ITLN1: variants seen among roughly 807,000 people sequenced by gnomAD.
The protein encoded by ITLN1 is intelectin-1.
ITLN1 carries 29 observed loss-of-function variants against 36.2 expected under a neutral mutation model. The observed-to-expected ratio is 0.80, with a 90% CI of 0.60 to 1.09. The LOEUF is 1.09. Ranked by LOEUF, ITLN1 falls within the 50% of genes least tolerant of loss-of-function variation. The pLI is 0.00. For missense variants in ITLN1, 358 were observed against 405.2 expected, an observed-to-expected ratio of 0.88 and a Z score of 1.00; for synonymous variants, 143 against 146.5, an observed-to-expected ratio of 0.98 and a Z score of 0.17.
At chr1:160,881,450 C>T (rs1367278786) in intron 4 of ITLN1, 138 bp from the exon 5 acceptor site, 3 of 946,692 alleles carry the variant, frequency 3.2e-6, no homozygotes, top group Non-Finnish European at 4.5e-6. Flanking sequence ...AGACACCCCA[C>T]TCCCAGCCGA....
At chr1:160,877,577 C>G (rs1436504768) in intron 7 of ITLN1, among the ~76,000 whole-genome samples, 1 of 152,112 alleles carries the variant, frequency 6.6e-6, no homozygotes, top group African/African-American at 2.4e-5. Flanking sequence ...CCCTCATTGA[C>G]CCAGAACCTA....
At chr1:160,880,477 G>C in intron 6 of ITLN1, 111 bp downstream of exon 6, 1 of 1,112,464 alleles carries the variant, frequency 9.0e-7, no homozygotes, top group Non-Finnish European at 1.3e-6. Flanking sequence ...GGGCAATATA[G>C]GGAACATTAC....
At chr1:160,879,178 A>C in intron 7 of ITLN1, 133 bp downstream of exon 7, 1 of 718,704 alleles carries the variant, frequency 1.4e-6, no homozygotes. Flanking sequence ...AGCAATGAGC[A>C]AGAGAAGGTC....
chr1:160,876,629 G>A lies in ITLN1; in HGVS notation c.*35C>T. ...TCTCCATCCTTGGGATCTCATGGTTGGGAGGAGAGGTCTGGGTTCCCTCCC... is the reference window on the plus strand; with the variant it reads ...TCTCCATCCTTGGGATCTCATGGTTAGGAGGAGAGGTCTGGGTTCCCTCCC... On this transcript the variant is annotated 3_prime_UTR_variant, in exon 8 of 8. Coordinates refer to ENST00000326245, the MANE Select transcript of ITLN1 (RefSeq NM_017625.3). 1 of 1,609,136 alleles carries A rather than the reference G, an allele frequency of 6.2e-7. No homozygotes were observed. Among genetic ancestry groups the A allele is most frequent in the Non-Finnish European group, 8.5e-7 (1 of 1,176,602 alleles).
chr1:160,883,741 C>A (rs1670716221), intron 2 of ITLN1, among the ~76,000 whole-genome samples: 1 of 152,210 alleles, frequency 6.6e-6, no homozygotes, highest in East Asian at 1.9e-4. Flanking sequence ...GACCTGACAG[C>A]CAGCACAGGC....
intron 4 of ITLN1, among the ~76,000 whole-genome samples, chr1:160,881,715 T>A (rs1327924508): frequency 2.0e-5 from 3 of 147,942 alleles, no homozygotes; most frequent in Admixed American, 1.4e-4. Flanking sequence ...AGGCAGAGGA[T>A]CACTTGAACC....
chr1:160,878,388 T>TC (rs1670625666), intron 7 of ITLN1, among the ~76,000 whole-genome samples: 1 of 149,998 alleles, frequency 6.7e-6, no homozygotes, highest in African/African-American at 2.4e-5. Flanking sequence ...TTTCTTTCTT[T>TC]TTTTTTTTTT....
rs770014438 is a variant in ITLN1, at chr1:160,883,484, G to A, written c.101C>T (p.Ser34Phe). 1 of 1,613,636 alleles carries A rather than the reference G, an allele frequency of 6.2e-7. No individual in the cohort carries two copies. The highest frequency in any genetic ancestry group is 8.5e-7 in the Non-Finnish European group (1 of 1,179,592). Residue 34 changes from serine to phenylalanine, a missense_variant, in exon 3 of 8, where the codon TCT becomes TTT. Physicochemically the swap from Ser to Phe is radical, Grantham distance 155 (BLOSUM62 -2). Coordinates refer to ENST00000326245, the MANE Select transcript of ITLN1 (RefSeq NM_017625.3). ...TYFKEWTCSS[S>F]PSLPRSCKEI... ...CTTGCAGCTTCTGGGCAGAGATGGA[G>A]ACGAAGAACAGGTCCATTCCTTGAA...
At chr1:160,884,771 C>A in intron 2 of ITLN1, 49 bp downstream of exon 2, 1 of 1,326,676 alleles carries the variant, frequency 7.5e-7, no homozygotes, top group Non-Finnish European at 1.1e-6. Context: ...ACCAGGATCC[C>A]GGAAGTCATC....
intron 7 of ITLN1, 111 bp downstream of exon 7, chr1:160,879,200 C>G: frequency 1.2e-6 from 1 of 814,246 alleles, no homozygotes; most frequent in Non-Finnish European, 2.1e-6. Context: ...CACTCCCACA[C>G]ACGTACACAC....
intron 4 of ITLN1, among the ~76,000 whole-genome samples, 172 bp downstream of exon 4, chr1:160,881,785 G>C (rs1340943264): frequency 7.1e-6 from 1 of 141,260 alleles, no homozygotes; most frequent in Admixed American, 7.2e-5. Flanking sequence ...CTGGGCAACA[G>C]AGTAAGACTC....
At chr1:160,876,915 A>G in intron 7 of ITLN1, 99 bp from the exon 8 acceptor site, 2 of 1,223,304 alleles carry the variant, frequency 1.6e-6, no homozygotes, top group South Asian at 1.4e-5. Flanking sequence ...GGTCCTCATC[A>G]GACTCTCCAT....
Position 160,876,653 on chromosome 1 carries a change from C to T in ITLN1, c.*11G>A. On this transcript the variant is annotated 3_prime_UTR_variant, in exon 8 of 8. Coordinates refer to ENST00000326245, the MANE Select transcript of ITLN1 (RefSeq NM_017625.3). ...TGGGAGGAGAGGTCTGGGTTCCCTCCCACAAAACTCTCAACGATAGAATAG... is the reference window on the plus strand; with the variant it reads ...TGGGAGGAGAGGTCTGGGTTCCCTCTCACAAAACTCTCAACGATAGAATAG... The T allele has an allele frequency of 6.2e-7, 1 of 1,613,812 alleles. No homozygotes were observed. Among genetic ancestry groups the T allele is most frequent in the Non-Finnish European group, 8.5e-7 (1 of 1,179,800 alleles).
rs8144 is a variant in ITLN1 at position 160,876,668 on chromosome 1, C to G, written c.938G>C (p.Arg313Pro). The G allele has an allele frequency of 3.9e-3, 6,291 of 1,614,102 alleles. 19 individuals are homozygous for G. Among genetic ancestry groups the G allele is most frequent in the Non-Finnish European group, 4.6e-3 (5,452 of 1,179,958 alleles). Residue 313 changes from arginine (R) to proline (P), a missense_variant, in exon 8 of 8, where the codon CGT becomes CCT. By Grantham distance (103) the Arg-to-Pro change is moderately radical (BLOSUM62 -2). Transcript: ENST00000326245. ...GGGTTCCCTCCCACAAAACTCTCAA[C>G]GATAGAATAGAAGCACAGCTGCCTC... ...ITEAAVLLFY[R>P]
chr1:160,884,175 C>T (rs1431069475), intron 2 of ITLN1, among the ~76,000 whole-genome samples: 2 of 151,416 alleles, frequency 1.3e-5, no homozygotes, highest in Admixed American at 6.6e-5. Flanking sequence ...CAGCGTAGTC[C>T]AGCTGTAGAA....
Position 160,876,710 on chromosome 1 carries a change from C to A in ITLN1, c.896G>T (p.Ser299Ile). The change falls in exon 8 of 8, where the codon AGC becomes ATC. Residue 299 changes from serine (S) to isoleucine (I), a missense_variant. Coordinates refer to ENST00000326245, the MANE Select transcript of ITLN1 (RefSeq NM_017625.3). ...AGCTGCCTCAGTTATCTCACGGCTG[C>A]TGCTGTAACCAACATGAGTTCCATA... ...SGYGTHVGYS[S>I]SREITEAAVL... 1 of 1,614,246 alleles carries A rather than the reference C, an allele frequency of 6.2e-7. No homozygotes were observed. Among genetic ancestry groups the A allele is most frequent in the Non-Finnish European group, 8.5e-7 (1 of 1,180,046 alleles).
At chr1:160,883,200 G>A (rs1441679247) in intron 3 of ITLN1, among the ~76,000 whole-genome samples, 1 of 152,100 alleles carries the variant, frequency 6.6e-6, no homozygotes, top group African/African-American at 2.4e-5. Flanking sequence ...GTTTCTGTTT[G>A]GGGCACTGAA....
At chr1:160,884,381 T>C (rs1670725036) in intron 2 of ITLN1, among the ~76,000 whole-genome samples, 1 of 151,802 alleles carries the variant, frequency 6.6e-6, no homozygotes, top group African/African-American at 2.4e-5. Flanking sequence ...AGTAAGAAGA[T>C]ATTTCGAAAC....
In ITLN1 at chr1:160,876,751, A is replaced by G. The variant is rs1321220353; in HGVS notation, c.855T>C (p.Gly285=). The change falls in exon 8 of 8, where the codon GGT becomes GGC. Residue 285 remains glycine (G), a synonymous_variant. Coordinates refer to ENST00000326245, the MANE Select transcript of ITLN1 (RefSeq NM_017625.3). The part of the protein sequence containing the change: ...ASPQQCGDFS[G]FDWSGYGTHV... ...GAGTTCCATATCCACTCCAATCAAA[A>G]CCAGAAAAATCTCCACACTGCTGGG... 6.2e-7 allele frequency: 1 copy of G among 1,614,156 alleles called. No individual in the cohort carries two copies. The highest frequency in any genetic ancestry group is 1.7e-5 in the Admixed American group (1 of 60,016).
Sources: allele counts gnomAD v4.1 joint callset (sites outside exome capture counted in the v4.1 genomes callset), GRCh38; gene constraint gnomAD v4.1.1; transcripts MANE v1.5; gene names NCBI Gene and HGNC (gene_info 2026-07-23, HGNC 2026-07-21).